STMN3: variants seen among roughly 807,000 people sequenced by gnomAD.
STMN3 encodes the protein stathmin 3, also known as stathmin-3.
STMN3 carries 24 observed loss-of-function variants against 23.2 expected under a neutral mutation model. The observed-to-expected ratio is 1.03, with a 90% CI of 0.75 to 1.45. The LOEUF (loss-of-function observed/expected upper bound fraction) is 1.45. Among genes scored for constraint, STMN3 ranks in the 40% most tolerant of loss-of-function variants. The probability of loss-of-function intolerance (pLI) is 0.00; values close to 1 mark genes in which losing one functional copy is unlikely to be tolerated. For missense variants in STMN3, 235 were observed against 237.6 expected (o/e 0.99, Z 0.07); for synonymous variants, 117 against 103.4 (o/e 1.13, Z -0.80).
At chr20:63,645,953 A>C (rs1296311811) in intron 1 of STMN3, among the ~76,000 whole-genome samples, 1 of 152,100 alleles carries the variant, frequency 6.6e-6, no homozygotes, top group Non-Finnish European at 1.5e-5. Context: ...ACTCCGTCTC[A>C]AAACAGAAAG....
chr20:63,647,650 A>T (rs371210305), intron 1 of STMN3, among the ~76,000 whole-genome samples: 2 of 135,418 alleles, frequency 1.5e-5, no homozygotes, highest in African/African-American at 5.6e-5. Context: ...ATATATATAC[A>T]TGTATATATA....
intron 2 of STMN3, 119 bp downstream of exon 2, chr20:63,644,095 T>C: frequency 3.0e-6 from 4 of 1,329,620 alleles, no homozygotes; most frequent in Non-Finnish European, 4.2e-6. Flanking sequence ...CCCTTCCCCC[T>C]AGAACCTCCC....
At chr20:63,651,370 CCTGTTGGGAGCTCGCGGA>C (rs1349207221) in intron 1 of STMN3, among the ~76,000 whole-genome samples, 7 of 152,140 alleles carry the variant, frequency 4.6e-5, no homozygotes, top group African/African-American at 1.7e-4. Flanking sequence ...ACTGCAGGCT[CCTGTTGGGAGCTCGCGGA>C]GGTGGGGGAT....
chr20:63,643,566 C>T, intron 3 of STMN3, 190 bp downstream of exon 3: 2 of 915,634 alleles, frequency 2.2e-6, no homozygotes, highest in Non-Finnish European at 2.6e-6. Context: ...CAGGCGTGAG[C>T]CACCACACCC....
At chr20:63,647,378 G>A (rs1389730580) in intron 1 of STMN3, among the ~76,000 whole-genome samples, 4 of 150,752 alleles carry the variant, frequency 2.7e-5, no homozygotes, top group Non-Finnish European at 4.4e-5. Flanking sequence ...GAACTTTGAG[G>A]GGCCAAGGCG....
At chr20:63,645,361 G>C (rs113609452) in intron 1 of STMN3, among the ~76,000 whole-genome samples, 123 of 152,260 alleles carry the variant, frequency 8.1e-4, no homozygotes, top group African/African-American at 2.9e-3. Context: ...CATGCTCTCT[G>C]TCTATCTAGG....
intron 1 of STMN3, 104 bp from the exon 2 acceptor site, chr20:63,644,413 G>A (rs1003157924): frequency 1.3e-5 from 11 of 846,360 alleles, no homozygotes; most frequent in Admixed American, 2.1e-5. Context: ...TGTGAGACAC[G>A]GAGCTGCCCA....
In STMN3 at chr20:63,640,987, C is replaced by T. The variant is rs2089756080; in HGVS notation, c.*351G>A. 5.0e-6 allele frequency: 2 copies of T among 398,260 alleles called. No homozygotes were observed. The highest frequency in any genetic ancestry group is 5.7e-5 in the East Asian group (1 of 17,656). 24.7% of individuals were successfully genotyped at this position (398,260 alleles called of 1,614,324 possible). On this transcript the variant is annotated 3_prime_UTR_variant, in exon 5 of 5. Coordinates refer to ENST00000370053, the MANE Select transcript of STMN3 (RefSeq NM_015894.4). ...CTCAGAGGACCTGCCCTGACCTGCA[C>T]GTGCTGACCAGACAGCCCAGCGTAA...
chr20:63,647,803 A>G lies in STMN3; in HGVS notation c.20-3494T>C, dbSNP rs935134523. Among the ~76,000 whole-genome samples the G allele has an allele frequency of 7.0e-5, 9 of 128,372 alleles. 1 individual carries two copies. Among genetic ancestry groups the G allele is most frequent in the Admixed American group, 5.0e-4 (6 of 12,092 alleles). The allele number at this position is 128,372 out of a possible 152,430, so 84.2% of individuals were successfully genotyped here. On this transcript the variant is annotated intron_variant, in intron 1 of 4. Coordinates refer to ENST00000370053, the MANE Select transcript of STMN3 (RefSeq NM_015894.4). ...GTATATATATAATATATATACGTATATATACACGTGTATATATAATATATA... is the reference window on the plus strand; with the variant it reads ...GTATATATATAATATATATACGTATGTATACACGTGTATATATAATATATA...
intron 1 of STMN3, among the ~76,000 whole-genome samples, chr20:63,647,743 GTGTATATATATAA>G (rs1569069902): frequency 9.8e-6 from 1 of 102,062 alleles, no homozygotes; most frequent in East Asian, 2.4e-4. Context: ...ATATATACAC[GTGTATATATATAA>G]TATATATACA....
At chr20:63,653,036 A>G (rs2089872747) in intron 1 of STMN3, among the ~76,000 whole-genome samples, 1 of 151,542 alleles carries the variant, frequency 6.6e-6, no homozygotes, top group Non-Finnish European at 1.5e-5. Flanking sequence ...TCTGGGAGCC[A>G]CCCTGCGGCA....
chr20:63,648,977 G>A (rs747937159), intron 1 of STMN3, among the ~76,000 whole-genome samples: 3 of 152,106 alleles, frequency 2.0e-5, no homozygotes, highest in Non-Finnish European at 4.4e-5. Context: ...GAAGGGGCAC[G>A]GTGGGGACGC....
At chr20:63,645,627 A>G (rs988140666) in intron 1 of STMN3, among the ~76,000 whole-genome samples, 51 of 152,144 alleles carry the variant, frequency 3.4e-4, no homozygotes, top group African/African-American at 1.2e-3. Flanking sequence ...TCCTAAGCAG[A>G]CACGCTGGCC....
intron 1 of STMN3, among the ~76,000 whole-genome samples, chr20:63,647,930 GTATA>G (rs369925756): frequency 1.5e-5 from 1 of 64,842 alleles, no homozygotes. Flanking sequence ...ATATATATAC[GTATA>G]TATGTGTGTG....
intron 4 of STMN3, among the ~76,000 whole-genome samples, chr20:63,641,753 A>T (rs2089764171): frequency 6.6e-6 from 1 of 151,456 alleles, no homozygotes; most frequent in Non-Finnish European, 1.5e-5. Flanking sequence ...GGGGACGCCC[A>T]GTAAACACGG....
chr20:63,647,989 T>TATAC (rs2089831294), intron 1 of STMN3, among the ~76,000 whole-genome samples: 2 of 81,802 alleles, frequency 2.4e-5, no homozygotes, highest in African/African-American at 1.1e-4. Flanking sequence ...TACATATATA[T>TATAC]ATACAGAGAG....
chr20:63,650,457 G>A (rs2089849508), intron 1 of STMN3, among the ~76,000 whole-genome samples: 1 of 145,170 alleles, frequency 6.9e-6, no homozygotes, highest in African/African-American at 2.6e-5. Flanking sequence ...CGTCCAGGTG[G>A]ATGGTGCCCA....
chr20:63,648,305 A>G (rs1368816615), intron 1 of STMN3, among the ~76,000 whole-genome samples: 1 of 152,036 alleles, frequency 6.6e-6, no homozygotes, highest in East Asian at 1.9e-4. Flanking sequence ...GGGCTGGGGC[A>G]GAACGTACCT....
rs2089871737 is a variant in STMN3 at position 63,652,873 on chromosome 20, G to C, written c.19+454C>G. On this transcript the variant is annotated intron_variant, in intron 1 of 4. Transcript: ENST00000370053. The surrounding 1 kb of genome is among the most constrained non-coding windows in gnomAD (Gnocchi z 5.3). ...GTGCTGCACTGGCGCGGGGAGCGCC[G>C]GGTTCCCGGCTGGGGCTTTGGCAGA... 4.7e-6 allele frequency: 4 copies of C among 852,374 alleles called. No individual in the cohort carries two copies. In the East Asian group the frequency reaches 3.7e-4, roughly 78 times the overall value. The allele number at this position is 852,374 out of a possible 1,614,324, so 52.8% of individuals were successfully genotyped here. A position where few individuals can be genotyped will look rare whatever the true frequency, so the allele number is the denominator to read the frequency against.
Sources: allele counts gnomAD v4.1 joint callset (sites outside exome capture counted in the v4.1 genomes callset), GRCh38; gene constraint gnomAD v4.1.1; non-coding constraint Gnocchi (gnomAD v3.1); transcripts MANE v1.5; gene names NCBI Gene and HGNC (gene_info 2026-07-23, HGNC 2026-07-21).